RYR3: variants seen among roughly 807,000 people sequenced by gnomAD.
The protein encoded by RYR3 is brain ryanodine receptor-calcium release channel.
RYR3 carries 207 observed loss-of-function variants against 584.3 expected under a neutral mutation model. That is an observed-to-expected ratio of 0.35 (90% CI 0.32 to 0.40). The LOEUF (loss-of-function observed/expected upper bound fraction) is 0.40, where lower values mean the gene tolerates loss of function less well. Ranked by LOEUF, RYR3 falls within the 10% of genes least tolerant of loss-of-function variation. The pLI is 1.00. For missense variants in RYR3, 5,616 were observed against 6,089.2 expected (o/e 0.92, Z 2.59); for synonymous variants, 2,416 against 2,248.5 (o/e 1.07, Z -2.11).
At chr15:33,650,370 T>G (rs1487600633) in intron 31 of RYR3, among the ~76,000 whole-genome samples, 2 of 152,056 alleles carry the variant, frequency 1.3e-5, no homozygotes, top group Non-Finnish European at 2.9e-5. Flanking sequence ...AGCAAGTCTC[T>G]GTCTCAAAAA....
chr15:33,792,413 C>G (rs1414349010), intron 67 of RYR3, among the ~76,000 whole-genome samples: 1 of 152,160 alleles, frequency 6.6e-6, no homozygotes, highest in African/African-American at 2.4e-5. Flanking sequence ...CTATCCCTTG[C>G]CTTCAGCCCT....
chr15:33,345,760 T>A (rs1972382366), intron 1 of RYR3, among the ~76,000 whole-genome samples: 1 of 152,198 alleles, frequency 6.6e-6, no homozygotes. Context: ...TAGTTTTTAA[T>A]ATGGAAAATT....
At chr15:33,397,015 G>C (rs2042339681) in intron 1 of RYR3, among the ~76,000 whole-genome samples, 1 of 152,142 alleles carries the variant, frequency 6.6e-6, no homozygotes, top group African/African-American at 2.4e-5. Context: ...AACATCTGCA[G>C]AAAAATTGGA....
intron 60 of RYR3, among the ~76,000 whole-genome samples, chr15:33,760,092 A>T (rs2072276022): frequency 6.6e-6 from 1 of 152,192 alleles, no homozygotes; most frequent in Non-Finnish European, 1.5e-5. Context: ...ATGCTGAGGG[A>T]TTTTGTCACC....
chr15:33,626,723 A>G (rs1424752159), intron 20 of RYR3, among the ~76,000 whole-genome samples: 2 of 152,122 alleles, frequency 1.3e-5, no homozygotes, highest in Non-Finnish European at 2.9e-5. Context: ...CACTCCAGCT[A>G]TGGCTAAAAG....
chr15:33,515,050 A>G (rs560865303), intron 3 of RYR3, among the ~76,000 whole-genome samples: 30 of 152,340 alleles, frequency 2.0e-4, no homozygotes, highest in Admixed American at 2.6e-4. Flanking sequence ...TAGTTGATAC[A>G]TAATGTACCT....
In RYR3 at chr15:33,837,983, T is replaced by C. The variant is rs1357587872; in HGVS notation, c.12003T>C (p.Leu4001=). ...GFNVAVLLTN[L]SEHMPNDSRL... is the part of the protein sequence containing the mutation. The stretch of plus-strand genomic sequence containing the variant: ...ATGTGGCTGTGTTATTGACAAATCT[T>C]TCTGAACACATGCCAAACGATTCCC... The change falls in exon 89 of 104, where the codon CTT becomes CTC. Residue 4001 remains leucine, a synonymous_variant. Transcript: ENST00000634891. The C allele has an allele frequency of 5.0e-6, 8 of 1,613,950 alleles. No homozygotes were observed. Among genetic ancestry groups the C allele is most frequent in the Non-Finnish European group, 6.8e-6 (8 of 1,179,918 alleles).
chr15:33,485,753 C>T (rs1170981456), intron 2 of RYR3, among the ~76,000 whole-genome samples: 3 of 152,190 alleles, frequency 2.0e-5, no homozygotes, highest in African/African-American at 7.2e-5. Context: ...TCACTCTCTG[C>T]AGCAGTCCCA....
At chr15:33,484,424 A>G (rs976879998) in intron 2 of RYR3, among the ~76,000 whole-genome samples, 3 of 152,162 alleles carry the variant, frequency 2.0e-5, no homozygotes, top group Non-Finnish European at 4.4e-5. Context: ...TGGCACTACT[A>G]GAGAGGGAAT....
At chr15:33,569,190 T>A (rs1209618935) in intron 12 of RYR3, among the ~76,000 whole-genome samples, 1 of 152,246 alleles carries the variant, frequency 6.6e-6, no homozygotes, top group Non-Finnish European at 1.5e-5. Context: ...AGATATGGTT[T>A]CCATTTCTCT....
At chr15:33,519,905 T>C (rs2053846405) in intron 3 of RYR3, among the ~76,000 whole-genome samples, 1 of 152,152 alleles carries the variant, frequency 6.6e-6, no homozygotes, top group Non-Finnish European at 1.5e-5. Flanking sequence ...TCGCTGTTTG[T>C]TTTGCTGGGT....
intron 3 of RYR3, among the ~76,000 whole-genome samples, chr15:33,509,446 A>C (rs1181303189): frequency 6.6e-6 from 1 of 152,220 alleles, no homozygotes; most frequent in Non-Finnish European, 1.5e-5. Flanking sequence ...AAAAATTGGT[A>C]ATAGAATTTA....
In RYR3 at chr15:33,662,176, G is replaced by C. The variant is rs370222186; in HGVS notation, c.4646G>C (p.Cys1549Ser). The change falls in exon 35 of 104, where the codon TGT (cysteine) becomes TCT (serine). Residue 1549 changes from cysteine to serine, a missense_variant. Cys to Ser is a moderately radical substitution (Grantham distance 112, BLOSUM62 -1). Around this residue, in one of 9 missense-constraint regions of RYR3, gnomAD observed 753 missense variants for 741.0 expected, o/e 1.02. Transcript: ENST00000634891. ...AGGTGTGTGGATATCCTGGAGCTCT[G>C]TGAGCAGGAGGACCTGATGCGGTTC... ...ENRCVDILEL[C>S]EQEDLMRFHY... 6.2e-7 allele frequency: 1 copy of C among 1,601,804 alleles called. No homozygotes were observed. The highest frequency in any genetic ancestry group is 1.3e-5 in the African/African-American group (1 of 74,770).
intron 19 of RYR3, among the ~76,000 whole-genome samples, chr15:33,617,876 C>A (rs370413708): frequency 6.6e-6 from 1 of 152,126 alleles, no homozygotes; most frequent in African/African-American, 2.4e-5. Flanking sequence ...ATGTCATAGC[C>A]TCTTTTCTCT....
intron 43 of RYR3, among the ~76,000 whole-genome samples, chr15:33,710,069 T>C (rs780012137): frequency 2.6e-5 from 4 of 152,152 alleles, no homozygotes; most frequent in Non-Finnish European, 5.9e-5. Flanking sequence ...TTGAAAGAAA[T>C]TACTGAGGTG....
At chr15:33,748,287 G>T (rs747778094) in intron 54 of RYR3, 27 bp downstream of exon 54, 1 of 1,609,952 alleles carries the variant, frequency 6.2e-7, no homozygotes, top group Admixed American at 1.7e-5. Flanking sequence ...AGAGGCCCAC[G>T]CTGGGCCGAT....
chr15:33,481,684 G>T (rs953237423), intron 2 of RYR3, among the ~76,000 whole-genome samples: 1 of 151,460 alleles, frequency 6.6e-6, no homozygotes, highest in Non-Finnish European at 1.5e-5. Flanking sequence ...GTTTCACCAT[G>T]TTGGCCAGGC....
intron 27 of RYR3, among the ~76,000 whole-genome samples, chr15:33,643,964 T>C (rs2061966475): frequency 6.6e-6 from 1 of 152,198 alleles, no homozygotes; most frequent in African/African-American, 2.4e-5. Flanking sequence ...CTGAGATCAA[T>C]TTTAACTAAG....
intron 19 of RYR3, among the ~76,000 whole-genome samples, chr15:33,623,064 G>A (rs1160504490): frequency 1.3e-5 from 2 of 152,214 alleles, no homozygotes; most frequent in Non-Finnish European, 2.9e-5. Flanking sequence ...TCGTTGGGAA[G>A]TCCCAGTGAG....
Sources: allele counts gnomAD v4.1 joint callset (sites outside exome capture counted in the v4.1 genomes callset), GRCh38; gene constraint gnomAD v4.1.1; regional missense constraint gnomAD v4.1.1; transcripts MANE v1.5; gene names NCBI Gene and HGNC (gene_info 2026-07-23, HGNC 2026-07-21).